The following VIPAS39 variants were observed in gnomAD, a reference collection of about 807,000 sequenced individuals.
VIPAS39 encodes the protein VPS33B interacting protein, apical-basolateral polarity regulator, spe-39 homolog.
Under a neutral mutation model 84.7 loss-of-function variants are expected in VIPAS39, and 63 were observed. The ratio of observed to expected loss-of-function variants is 0.74; its 90% CI spans 0.61 to 0.92. The LOEUF is 0.92. Ranked by LOEUF, VIPAS39 falls within the 40% of genes least tolerant of loss-of-function variation. VIPAS39 has a pLI of 0.00. For missense variants in VIPAS39, 499 were observed against 604.5 expected, an observed-to-expected ratio of 0.83 and a Z score of 1.83; for synonymous variants, 192 against 216.5, an observed-to-expected ratio of 0.89 and a Z score of 0.99.
chr14:77,430,764 T>G lies in VIPAS39; in HGVS notation c.1180-997A>C, dbSNP rs1038152025. On this transcript the variant is annotated intron_variant, in intron 16 of 19. Transcript: ENST00000557658. ...GGGGGGGTAGGGGTAGGAGGCAACA[T>G]GCTTCATGATTTCAAATTATATTAC... Among the ~76,000 whole-genome samples, 4 of 150,004 alleles carry G rather than the reference T, an allele frequency of 2.7e-5. No individual in the cohort carries two copies. In the East Asian group the frequency reaches 7.8e-4, roughly 29 times the overall value.
chr14:77,453,235 T>C (rs2078909746), intron 3 of VIPAS39, 64 bp downstream of exon 3: 4 of 1,498,086 alleles, frequency 2.7e-6, no homozygotes, highest in South Asian at 1.1e-5. Flanking sequence ...AACAAACAAG[T>C]AGAGCCTTTA....
chr14:77,449,235 A>T (rs370497939), intron 6 of VIPAS39, 58 bp downstream of exon 6: 19 of 1,549,108 alleles, frequency 1.2e-5, no homozygotes, highest in Non-Finnish European at 1.5e-5. Flanking sequence ...GCCAGGTAAC[A>T]TATGTCAAGG....
chr14:77,443,851 C>T (rs1452811362), intron 8 of VIPAS39, among the ~76,000 whole-genome samples: 2 of 138,050 alleles, frequency 1.4e-5, no homozygotes, highest in Non-Finnish European at 3.0e-5. Flanking sequence ...CTAGCCTGGG[C>T]GACAGAGTGA....
intron 1 of VIPAS39, chr14:77,457,189 T>C (rs2078972940): frequency 7.4e-6 from 11 of 1,481,750 alleles, no homozygotes; most frequent in Non-Finnish European, 9.8e-6. Context: ...TAAGCTAGGA[T>C]GACTCTACGG....
rs372064402 is a variant in VIPAS39, at chr14:77,437,698, T to C, written c.836+110A>G. 1.9e-4 allele frequency: 222 copies of C among 1,145,018 alleles called. 2 individuals carry two copies. In the African/African-American group the frequency reaches 3.1e-3, roughly 16 times the overall value. 70.9% of individuals were successfully genotyped at this position (1,145,018 alleles called of 1,614,324 possible). ...GTGACCCTGAATGATGCTGGTATGA[T>C]TCATTGTTAGCCCTCCCCTTCCTGC... On this transcript the variant is annotated intron_variant, in intron 12 of 19. Coordinates refer to ENST00000557658, the MANE Select transcript of VIPAS39 (RefSeq NM_001193315.2).
At chr14:77,451,568 C>G (rs1375158889) in intron 3 of VIPAS39, among the ~76,000 whole-genome samples, 1 of 152,132 alleles carries the variant, frequency 6.6e-6, no homozygotes, top group Non-Finnish European at 1.5e-5. Flanking sequence ...GATGCTCAAC[C>G]TTACTCTTTT....
At position 77,435,366 on chromosome 14, in the gene VIPAS39, C is replaced by T. The variant is rs757963657; in HGVS notation, c.940G>A (p.Gly314Arg). The T allele has an allele frequency of 1.5e-5, 24 of 1,608,566 alleles. No individual in the cohort carries two copies. The African/African-American group carries it at 2.2e-4, about 15-fold the overall frequency. ...EANDRHLESAGQTEIFRKHPR... is the reference protein window; with the variant it reads ...EANDRHLESARQTEIFRKHPR... ...TGCTTTCGGAAGATCTCAGTCTGTC[C>T]TGCTGATTCTAGATGGCGATCATTT... Residue 314 changes from glycine to arginine, a missense_variant, in exon 14 of 20, where the codon GGA becomes AGA. By Grantham distance (125) the Gly-to-Arg change is moderately radical. Transcript: ENST00000557658.
rs2078693518 is a variant in VIPAS39 at position 77,440,961 on chromosome 14, A to G, written c.762+105T>C. 2.2e-6 allele frequency: 3 copies of G among 1,388,572 alleles called. No individual in the cohort carries two copies. The South Asian group carries it at 3.5e-5, about 16-fold the overall frequency. The allele number at this position is 1,388,572 out of a possible 1,614,324, so 86.0% of individuals were successfully genotyped here. ...TTGAACTCCTGACCTCAGGTGATCC[A>G]CCCACCTCGGCCTCCCAAAGTGCTG... On this transcript the variant is annotated intron_variant, in intron 11 of 19. Coordinates refer to ENST00000557658, the MANE Select transcript of VIPAS39 (RefSeq NM_001193315.2).
chr14:77,434,385 A>G (rs2078572176), intron 14 of VIPAS39, 82 bp from the exon 15 acceptor site: 1 of 1,300,038 alleles, frequency 7.7e-7, no homozygotes. Context: ...TTCCCACTAC[A>G]GAGACTTTCT....
chr14:77,448,353 C>A (rs923109046), intron 7 of VIPAS39, 141 bp downstream of exon 7: 1 of 894,372 alleles, frequency 1.1e-6, no homozygotes, highest in African/African-American at 1.6e-5. Flanking sequence ...AATTTTGCCA[C>A]TGACTTTCAA....
In VIPAS39 at chr14:77,446,088, T is replaced by G. The variant is rs996764773; in HGVS notation, c.505-1747A>C. ...AAAAAATAAAAGTTTTAAATTTTGA[T>G]GAAGTCCATTTTATCAATTTTTTCA... is the stretch of plus-strand genomic sequence containing the variant. On this transcript the variant is annotated intron_variant, in intron 7 of 19. Transcript: ENST00000557658. Among the ~76,000 whole-genome samples, 4 of 152,264 alleles carry G rather than the reference T, an allele frequency of 2.6e-5. No homozygotes were observed. The East Asian group carries it at 5.8e-4, about 22-fold the overall frequency.
intron 7 of VIPAS39, among the ~76,000 whole-genome samples, chr14:77,445,145 G>T (rs986743614): frequency 6.6e-6 from 1 of 151,358 alleles, no homozygotes; most frequent in South Asian, 2.1e-4. Context: ...ATTTTTAGTA[G>T]AGACAGGGTT....
chr14:77,435,664 A>G (rs2078599147), intron 13 of VIPAS39, among the ~76,000 whole-genome samples, 180 bp downstream of exon 13: 1 of 152,194 alleles, frequency 6.6e-6, no homozygotes, highest in Non-Finnish European at 1.5e-5. Flanking sequence ...AACAGCTGGT[A>G]AGAGGAAAAA....
At chr14:77,442,497 T>G in intron 10 of VIPAS39, 63 bp downstream of exon 10, 2 of 1,364,048 alleles carry the variant, frequency 1.5e-6, no homozygotes, top group Non-Finnish European at 1.0e-6. Flanking sequence ...TTCCTTTGTA[T>G]CCCTCAGAGT....
At chr14:77,450,371 T>A (rs1442899642) in intron 4 of VIPAS39, among the ~76,000 whole-genome samples, 1 of 152,236 alleles carries the variant, frequency 6.6e-6, no homozygotes, top group African/African-American at 2.4e-5. Context: ...CATTCATCCA[T>A]CAATGGACAT....
At chr14:77,434,599 GAA>G (rs1193657783) in intron 14 of VIPAS39, among the ~76,000 whole-genome samples, 1 of 151,720 alleles carries the variant, frequency 6.6e-6, no homozygotes, top group Non-Finnish European at 1.5e-5. Flanking sequence ...AATTTAGAAA[GAA>G]AAAAAGAGTA....
At chr14:77,449,603 G>T in intron 5 of VIPAS39, 111 bp downstream of exon 5, 1 of 1,429,758 alleles carries the variant, frequency 7.0e-7, no homozygotes, top group Non-Finnish European at 9.9e-7. Context: ...GACAGTAGAT[G>T]CAGAAGAAAG....
At chr14:77,429,942 G>C (rs1410258773) in intron 16 of VIPAS39, among the ~76,000 whole-genome samples, 175 bp from the exon 17 acceptor site, 1 of 152,164 alleles carries the variant, frequency 6.6e-6, no homozygotes, top group Non-Finnish European at 1.5e-5. Context: ...TGAGAGAGTG[G>C]AAATGAATCA....
chr14:77,447,484 T>C lies in VIPAS39; in HGVS notation c.504+1010A>G, dbSNP rs185932393. 5.5e-3 allele frequency among the ~76,000 whole-genome samples: 840 copies of C among 152,160 alleles called. 8 individuals carry two copies. The highest frequency in any genetic ancestry group is 6.6e-3 in the Non-Finnish European group (446 of 67,998). Reference sequence around the variant, plus strand: ...TGAGCCACTGTGACTGGCCCGATTTTCAACAAAAGCATCAGCAGGATAATT... The same window carrying C: ...TGAGCCACTGTGACTGGCCCGATTTCCAACAAAAGCATCAGCAGGATAATT... On this transcript the variant is annotated intron_variant, in intron 7 of 19. Transcript: ENST00000557658.
Sources: gnomAD v4.1 joint callset for allele counts (sites outside exome capture counted in the v4.1 genomes callset) on GRCh38, gnomAD v4.1.1 for gene constraint, MANE v1.5 for transcripts, NCBI Gene and HGNC (gene_info 2026-07-23, HGNC 2026-07-21) for gene names.